The following TRPM6 variants were observed in gnomAD, a reference collection of about 807,000 sequenced individuals.
TRPM6 encodes transient receptor potential cation channel subfamily M member 6, also known as channel kinase 2.
In TRPM6, 111 loss-of-function variants were observed where a neutral mutation model predicts 247.6. The ratio of observed to expected loss-of-function variants is 0.45; its 90% CI spans 0.38 to 0.52. The LOEUF is 0.52. TRPM6 is among the 20% of genes least tolerant of loss of function. The pLI is 0.00. For missense variants in TRPM6, 2,126 were observed against 2,421.5 expected (o/e 0.88, Z 2.56); for synonymous variants, 892 against 853.8 (o/e 1.04, Z -0.78).
intron 24 of TRPM6, 84 bp downstream of exon 24, chr9:74,775,799 A>G: frequency 1.4e-6 from 2 of 1,422,482 alleles, no homozygotes; most frequent in Non-Finnish European, 2.0e-6. Context: ...AGTGCCCTGA[A>G]CTTAATTTAT....
chr9:74,753,306 T>C (rs894332287), intron 28 of TRPM6, among the ~76,000 whole-genome samples: 4 of 152,096 alleles, frequency 2.6e-5, no homozygotes, highest in African/African-American at 7.2e-5. Flanking sequence ...ATAATACTTA[T>C]TAGGAGTCCT....
At chr9:74,754,587 A>T (rs1426717592) in intron 28 of TRPM6, among the ~76,000 whole-genome samples, 1 of 152,224 alleles carries the variant, frequency 6.6e-6, no homozygotes, top group Non-Finnish European at 1.5e-5. Context: ...TTACCATATG[A>T]ACAAGCAGAT....
intron 28 of TRPM6, 37 bp downstream of exon 28, chr9:74,755,316 A>G: frequency 6.2e-7 from 1 of 1,611,860 alleles, no homozygotes; most frequent in Non-Finnish European, 8.5e-7. Context: ...AAACCCCACC[A>G]GGGTTTTTGG....
chr9:74,803,644 CTG>C (rs1472862104), intron 15 of TRPM6, 148 bp downstream of exon 15: 1 of 726,590 alleles, frequency 1.4e-6, no homozygotes, highest in African/African-American at 1.7e-5. Context: ...TACTGGACAG[CTG>C]TGTTATGCTT....
In TRPM6 at chr9:74,744,143, T is replaced by C; in HGVS notation, c.5086A>G (p.Ile1696Val). 1 of 1,613,978 alleles carries C rather than the reference T, an allele frequency of 6.2e-7. No individual in the cohort carries two copies. The highest frequency in any genetic ancestry group is 8.5e-7 in the Non-Finnish European group (1 of 1,179,898). Residue 1696 changes from isoleucine (I) to valine (V), a missense_variant and splice_region_variant, in exon 32 of 39, where the codon ATC becomes GTC. This residue lies in a region of TRPM6 where 327 missense variants were observed against 397.7 expected (regional missense o/e 0.82). Transcript: ENST00000360774. ...LLKSSIGVDKISASLKSPQEP... is the reference protein window; with the variant it reads ...LLKSSIGVDKVSASLKSPQEP... ...TGAGGGCTTTTTAAGGAGGCTGAGA[T>C]CTCTGAAATTAGAGAGGAGATTGGC...
intron 9 of TRPM6, among the ~76,000 whole-genome samples, chr9:74,817,169 C>T (rs1443411032): frequency 6.6e-6 from 1 of 151,964 alleles, no homozygotes; most frequent in Non-Finnish European, 1.5e-5. Context: ...CTAAAAATTC[C>T]ACATATCCAG....
intron 3 of TRPM6, among the ~76,000 whole-genome samples, chr9:74,849,089 C>A (rs936844164): frequency 6.6e-6 from 1 of 152,194 alleles, no homozygotes; most frequent in Non-Finnish European, 1.5e-5. Context: ...GTGTCTCACG[C>A]CTTTCATCCC....
In TRPM6 at chr9:74,843,635, C is replaced by T. The variant is rs186191564; in HGVS notation, c.153-1292G>A. ...CATCCTGGCTAACGTGGTGAAACCC[C>T]GTCTCTACTAAAAAATACAAAAAAA... is the stretch of plus-strand genomic sequence containing the variant. On this transcript the variant is annotated intron_variant, in intron 3 of 38. Coordinates refer to ENST00000360774, the MANE Select transcript of TRPM6 (RefSeq NM_017662.5). Among the ~76,000 whole-genome samples, 626 of 151,054 alleles carry T rather than the reference C, an allele frequency of 4.1e-3. 4 individuals carry two copies. Among genetic ancestry groups the T allele is most frequent in the Non-Finnish European group, 5.7e-3 (389 of 67,846 alleles).
intron 14 of TRPM6, among the ~76,000 whole-genome samples, chr9:74,806,336 G>C (rs887953254): frequency 2.0e-5 from 3 of 151,788 alleles, no homozygotes; most frequent in African/African-American, 4.8e-5. Context: ...GTGTTGCCCA[G>C]GCTGGTCTCG....
At chr9:74,734,730 T>A (rs1186813390) in intron 36 of TRPM6, among the ~76,000 whole-genome samples, 1 of 152,194 alleles carries the variant, frequency 6.6e-6, no homozygotes, top group Non-Finnish European at 1.5e-5. Flanking sequence ...AGTAAAATCA[T>A]GTTTCTGATT....
chr9:74,821,633 C>T (rs930586901), intron 8 of TRPM6, 36 bp downstream of exon 8: 1 of 1,612,484 alleles, frequency 6.2e-7, no homozygotes, highest in South Asian at 1.1e-5. Context: ...AATAAACAGC[C>T]CCTATAGTTT....
At chr9:74,759,988 G>A (rs1373103313) in intron 27 of TRPM6, among the ~76,000 whole-genome samples, 6 of 152,220 alleles carry the variant, frequency 3.9e-5, no homozygotes, top group East Asian at 1.9e-4. Context: ...GTCATGCCCC[G>A]CATAACAATA....
At chr9:74,748,332 T>C (rs1397673504) in intron 30 of TRPM6, among the ~76,000 whole-genome samples, 1 of 152,258 alleles carries the variant, frequency 6.6e-6, no homozygotes, top group Non-Finnish European at 1.5e-5. Flanking sequence ...TATTATATTA[T>C]GCTCTTTTTC....
chr9:74,782,804 C>T lies in TRPM6; in HGVS notation c.2969G>A (p.Ser990Asn). ...GATGGCCTTGCGTGCCACTCCAAAGCTCAGCAGGACTATGGCCATGATGAT... is the reference window on the plus strand; with the variant it reads ...GATGGCCTTGCGTGCCACTCCAAAGTTCAGCAGGACTATGGCCATGATGAT... Reference protein sequence around the residue: ...IVIIMAIVLLSFGVARKAILS... With the variant: ...IVIIMAIVLLNFGVARKAILS... The change falls in exon 22 of 39, where the codon AGC (serine) becomes AAC (asparagine). Residue 990 changes from serine to asparagine, a missense_variant. Physicochemically the swap from Ser to Asn is conservative, Grantham distance 46. This residue lies in a region of TRPM6 where 1,082 missense variants were observed against 1,307.9 expected (regional missense o/e 0.83). Coordinates refer to ENST00000360774, the MANE Select transcript of TRPM6 (RefSeq NM_017662.5). 6.2e-7 allele frequency: 1 copy of T among 1,614,124 alleles called. No individual in the cohort carries two copies. Among genetic ancestry groups the T allele is most frequent in the East Asian group, 2.2e-5 (1 of 44,874 alleles).
intron 17 of TRPM6, among the ~76,000 whole-genome samples, chr9:74,798,125 A>G (rs542071133): frequency 5.1e-4 from 77 of 152,202 alleles, no homozygotes; most frequent in Non-Finnish European, 9.3e-4. Context: ...CTCTGATATC[A>G]ACTTGATGAA....
chr9:74,849,995 C>T (rs1243014111), intron 3 of TRPM6, among the ~76,000 whole-genome samples: 1 of 152,220 alleles, frequency 6.6e-6, no homozygotes, highest in African/African-American at 2.4e-5. Flanking sequence ...TGTGCATCTG[C>T]TGTATTGAGC....
At chr9:74,813,696 C>A (rs1828821093) in intron 11 of TRPM6, among the ~76,000 whole-genome samples, 1 of 152,098 alleles carries the variant, frequency 6.6e-6, no homozygotes, top group Non-Finnish European at 1.5e-5. Flanking sequence ...AACAAAAAGA[C>A]CAAAACAAAC....
chr9:74,755,524 T>G (rs929151691), intron 27 of TRPM6, 51 bp from the exon 28 acceptor site: 3 of 1,610,966 alleles, frequency 1.9e-6, no homozygotes, highest in Admixed American at 1.7e-5. Flanking sequence ...TCAAAAGCAC[T>G]GTGAGTCACA....
intron 7 of TRPM6, among the ~76,000 whole-genome samples, chr9:74,822,087 T>G (rs771051051): frequency 6.6e-6 from 1 of 152,196 alleles, no homozygotes; most frequent in South Asian, 2.1e-4. Context: ...TTCAATAATT[T>G]TTCAAAAAAA....
Sources: allele counts gnomAD v4.1 joint callset (sites outside exome capture counted in the v4.1 genomes callset), GRCh38; gene constraint gnomAD v4.1.1; regional missense constraint gnomAD v4.1.1; transcripts MANE v1.5; gene names NCBI Gene and HGNC (gene_info 2026-07-23, HGNC 2026-07-21).